CD79B: variants seen among roughly 807,000 people sequenced by gnomAD.
The protein encoded by CD79B is B-cell antigen receptor complex-associated protein beta chain.
Under a neutral mutation model 30.0 loss-of-function variants are expected in CD79B, and 7 were observed. The observed-to-expected ratio is 0.23, with a 90% CI of 0.13 to 0.44. The LOEUF (loss-of-function observed/expected upper bound fraction) is 0.44, where lower values mean the gene tolerates loss of function less well. Ranked by LOEUF, CD79B falls within the 20% of genes least tolerant of loss-of-function variation. CD79B has a pLI of 1.00. For synonymous variants in CD79B, 118 were observed against 119.2 expected, an observed-to-expected ratio of 0.99 and a Z score of 0.07; for missense variants, 218 against 299.1, an observed-to-expected ratio of 0.73 and a Z score of 2.00.
In CD79B at chr17:63,932,306, G is replaced by T; in HGVS notation, c.-45C>A. The T allele has an allele frequency of 6.3e-7, 1 of 1,581,776 alleles. No homozygotes were observed. The highest frequency in any genetic ancestry group is 8.6e-7 in the Non-Finnish European group (1 of 1,157,572). ...ACCCCAAACCCGTGACAACGTCCGA[G>T]GCTCCTTGGAGGAAAACGTGTAACT... is the stretch of plus-strand genomic sequence containing the variant. On this transcript the variant is annotated 5_prime_UTR_variant, in exon 1 of 6. Coordinates refer to ENST00000006750, the MANE Select transcript of CD79B (RefSeq NM_000626.4).
At chr17:63,929,933 C>G (rs200631986) in intron 3 of CD79B, 45 bp from the exon 4 acceptor site, 1 of 1,556,488 alleles carries the variant, frequency 6.4e-7, no homozygotes, top group South Asian at 1.1e-5. Flanking sequence ...CACAGTCCAC[C>G]TTTTAGGCCT....
chr17:63,930,632 AT>A, intron 2 of CD79B: 1 of 577,660 alleles, frequency 1.7e-6, no homozygotes, highest in Non-Finnish European at 3.1e-6. Flanking sequence ...CTCCCCTTCG[AT>A]TTTCCTTTGG....
chr17:63,932,139 G>T, intron 1 of CD79B, 56 bp downstream of exon 1: 2 of 1,483,068 alleles, frequency 1.3e-6, no homozygotes, highest in Non-Finnish European at 1.9e-6. Flanking sequence ...GAGCCGCAGG[G>T]CCCAGACAGC....
rs1335260054 is a variant in CD79B, at chr17:63,932,190, T to G, written c.67+5A>C. On this transcript the variant is annotated splice_donor_5th_base_variant and intron_variant, in intron 1 of 5. Coordinates refer to ENST00000006750, the MANE Select transcript of CD79B (RefSeq NM_000626.4). ...ACCCCACAGGCCTCGTCGTGGGTTC[T>G]GTACCTGAGAGCAGCAGCAGCAACG... is the stretch of plus-strand genomic sequence containing the variant. 6.2e-7 allele frequency: 1 copy of G among 1,612,908 alleles called. No homozygotes were observed. The highest frequency in any genetic ancestry group is 8.5e-7 in the Non-Finnish European group (1 of 1,179,770).
Position 63,931,332 on chromosome 17 carries a change from G to A in CD79B, c.118+3C>T, listed in dbSNP as rs766169832. On this transcript the variant is annotated splice_donor_region_variant and intron_variant, in intron 2 of 5. Coordinates refer to ENST00000006750, the MANE Select transcript of CD79B (RefSeq NM_000626.4). ...CTCAGAAGCGGCAGGCGAGGCTACT[G>A]ACCTTTGGGATTCCGGTACCGGTCC... is the stretch of plus-strand genomic sequence containing the variant. The A allele has an allele frequency of 3.1e-6, 5 of 1,613,810 alleles. No homozygotes were observed. The Admixed American group carries it at 8.3e-5, about 27-fold the overall frequency.
Position 63,930,200 on chromosome 17 carries a change from C to T in CD79B, c.304G>A (p.Glu102Lys), listed in dbSNP as rs1908036921. 6.2e-6 allele frequency: 10 copies of T among 1,614,198 alleles called. No homozygotes were observed. The highest frequency in any genetic ancestry group is 1.3e-5 in the African/African-American group (1 of 75,056). The stretch of plus-strand genomic sequence containing the variant: ...TGGATGGTGAGGGTGGCGAGAGATT[C>T]GTTCTGGGACTCTTCCATGCGGCCC... ...EKGRMEESQN[E>K]SLATLTIQGI... Residue 102 changes from glutamate (E) to lysine (K), a missense_variant, in exon 3 of 6, where the codon GAA (glutamate) becomes AAA (lysine). Glu to Lys is a moderately conservative substitution (Grantham distance 56, BLOSUM62 1). Coordinates refer to ENST00000006750, the MANE Select transcript of CD79B (RefSeq NM_000626.4).
chr17:63,930,522 G>T (rs2144758676), intron 2 of CD79B, 137 bp from the exon 3 acceptor site: 1 of 806,496 alleles, frequency 1.2e-6, no homozygotes, highest in East Asian at 2.7e-5. Flanking sequence ...ACAGGCAGGA[G>T]GCTGAGGTTG....
rs1190494748 is a variant in CD79B at position 63,930,165 on chromosome 17, C to T, written c.339G>A (p.Arg113=). The T allele has an allele frequency of 6.2e-7, 1 of 1,614,226 alleles. No individual in the cohort carries two copies. Among genetic ancestry groups the T allele is most frequent in the Non-Finnish European group, 8.5e-7 (1 of 1,180,030 alleles). Residue 113 remains arginine (R), a synonymous_variant, in exon 3 of 6, where the codon CGG becomes CGA. Transcript: ENST00000006750. ...SLATLTIQGI[R]FEDNGIYFCQ... is the part of the protein sequence containing the mutation. Reference sequence around the variant, plus strand: ...AGAAGTAGATGCCATTGTCCTCAAACCGGATGCCTTGGATGGTGAGGGTGG... The same window carrying T: ...AGAAGTAGATGCCATTGTCCTCAAATCGGATGCCTTGGATGGTGAGGGTGG...
rs1255091466 is a variant in CD79B at position 63,930,071 on chromosome 17, C to T, written c.430+3G>A. The T allele has an allele frequency of 6.2e-7, 1 of 1,613,696 alleles. No homozygotes were observed. Among genetic ancestry groups the T allele is most frequent in the Non-Finnish European group, 8.5e-7 (1 of 1,179,810 alleles). On this transcript the variant is annotated splice_donor_region_variant and intron_variant, in intron 3 of 5. Transcript: ENST00000006750. ...AGGAGCGTCCCAGCCACCTGGCACA[C>T]ACCCATGACTCGCAGCTCTGTGCCG...
Position 63,929,169 on chromosome 17 carries a change from C to T in CD79B, c.*57G>A. On this transcript the variant is annotated 3_prime_UTR_variant, in exon 6 of 6. Coordinates refer to ENST00000006750, the MANE Select transcript of CD79B (RefSeq NM_000626.4). ...GGGTTGGGCCATGAGCCAGGCAGCT[C>T]CGAAGCAGTCACTGAGGCCAGGGAG... 8.4e-7 allele frequency: 1 copy of T among 1,194,042 alleles called. No individual in the cohort carries two copies. The highest frequency in any genetic ancestry group is 1.3e-6 in the Non-Finnish European group (1 of 798,324). 74.0% of individuals were successfully genotyped at this position (1,194,042 alleles called of 1,614,324 possible).
rs144755516 is a variant in CD79B, at chr17:63,930,325, G to A, written c.179C>T (p.Thr60Met). Residue 60 changes from threonine to methionine, a missense_variant, in exon 3 of 6, where the codon ACG becomes ATG. Transcript: ENST00000006750. ...PRFIARKRGF[T>M]VKMHCYMNSA... ...GTTCATGTAGCAGTGCATTTTCACC[G>A]TGAAGCCCCGTTTCCTGGCTATGAA... The A allele has an allele frequency of 2.1e-5, 34 of 1,614,104 alleles. No individual in the cohort carries two copies. The highest frequency in any genetic ancestry group is 3.3e-4 in the Middle Eastern group (2 of 6,062).
intron 4 of CD79B, 70 bp downstream of exon 4, chr17:63,929,700 C>A (rs1567809653): frequency 1.7e-6 from 2 of 1,151,460 alleles, no homozygotes; most frequent in Non-Finnish European, 1.3e-6. Context: ...AGATGGAGAC[C>A]CTGCATATGC....
Position 63,932,304 on chromosome 17 carries a change from G to A in CD79B, c.-43C>T, listed in dbSNP as rs757461895. ...CGACCCCAAACCCGTGACAACGTCC[G>A]AGGCTCCTTGGAGGAAAACGTGTAA... On this transcript the variant is annotated 5_prime_UTR_variant, in exon 1 of 6. Transcript: ENST00000006750. 7.0e-6 allele frequency: 11 copies of A among 1,580,900 alleles called. 1 individual carries two copies. Among genetic ancestry groups the A allele is most frequent in the South Asian group, 5.5e-5 (5 of 90,402 alleles).
chr17:63,931,293 G>T (rs202019352), intron 2 of CD79B, 42 bp downstream of exon 2: 2 of 1,597,634 alleles, frequency 1.3e-6, no homozygotes, highest in South Asian at 1.1e-5. Context: ...GGACATAGTC[G>T]CACACAACTT....
In CD79B at chr17:63,929,717, T is replaced by C. The variant is rs1907996416; in HGVS notation, c.549+53A>G. On this transcript the variant is annotated intron_variant, in intron 4 of 5. Transcript: ENST00000006750. Reference sequence around the variant, plus strand: ...ATGGAGACCCTGCATATGCCTGGCCTATGCGGTGGCCTCCTCTGCGGTCCC... The same window carrying C: ...ATGGAGACCCTGCATATGCCTGGCCCATGCGGTGGCCTCCTCTGCGGTCCC... 16 of 1,311,812 alleles carry C rather than the reference T, an allele frequency of 1.2e-5. No individual in the cohort carries two copies. The South Asian group carries it at 1.9e-4, about 15-fold the overall frequency. 81.3% of individuals were successfully genotyped at this position (1,311,812 alleles called of 1,614,324 possible).
chr17:63,931,471 G>A lies in CD79B; in HGVS notation c.68-86C>T, dbSNP rs533568517. On this transcript the variant is annotated intron_variant, in intron 1 of 5. Transcript: ENST00000006750. Reference sequence around the variant, plus strand: ...ACCCCTGCATGCCCTCTATGTTCCCGGAGCTACTTCCTCCTTCCATGACAG... The same window carrying A: ...ACCCCTGCATGCCCTCTATGTTCCCAGAGCTACTTCCTCCTTCCATGACAG... The A allele has an allele frequency of 1.0e-4, 135 of 1,305,832 alleles. 2 individuals carry two copies. In the South Asian group the frequency reaches 1.2e-3, roughly 11 times the overall value. The allele number at this position is 1,305,832 out of a possible 1,614,324, so 80.9% of individuals were successfully genotyped here. A position where few individuals can be genotyped will look rare whatever the true frequency, so the allele number is the denominator to read the frequency against.
Position 63,929,147 on chromosome 17 carries a change from T to G in CD79B, c.*79A>C. On this transcript the variant is annotated 3_prime_UTR_variant, in exon 6 of 6. Transcript: ENST00000006750. ...CCAGCTGGGGGGTCCAGGAAAGGGG[T>G]TGGGCCATGAGCCAGGCAGCTCCGA... 2.1e-6 allele frequency: 2 copies of G among 972,646 alleles called. No homozygotes were observed. The highest frequency in any genetic ancestry group is 1.7e-6 in the Non-Finnish European group (1 of 601,326). The allele number at this position is 972,646 out of a possible 1,614,324, so 60.3% of individuals were successfully genotyped here.
chr17:63,930,177 G>C lies in CD79B; in HGVS notation c.327C>G (p.Ile109Met). Residue 109 changes from isoleucine (I) to methionine (M), a missense_variant, in exon 3 of 6, where the codon ATC becomes ATG. Physicochemically the swap from Ile to Met is conservative, Grantham distance 10. Coordinates refer to ENST00000006750, the MANE Select transcript of CD79B (RefSeq NM_000626.4). ...CATTGTCCTCAAACCGGATGCCTTG[G>C]ATGGTGAGGGTGGCGAGAGATTCGT... ...SQNESLATLT[I>M]QGIRFEDNGI... 6.2e-7 allele frequency: 1 copy of C among 1,614,214 alleles called. No homozygotes were observed. The highest frequency in any genetic ancestry group is 8.5e-7 in the Non-Finnish European group (1 of 1,180,020).
chr17:63,930,551 A>T (rs1349684374), intron 2 of CD79B, 166 bp from the exon 3 acceptor site: 1 of 671,254 alleles, frequency 1.5e-6, no homozygotes, highest in Non-Finnish European at 2.6e-6. Flanking sequence ...AAGCAGAGCC[A>T]CGTGAGAGGC....
Sources: gnomAD v4.1 joint callset for allele counts on GRCh38, gnomAD v4.1.1 for gene constraint, MANE v1.5 for transcripts, NCBI Gene and HGNC (gene_info 2026-07-23, HGNC 2026-07-21) for gene names.